The following CCDC3 variants were observed in gnomAD, a reference collection of about 807,000 sequenced individuals.
CCDC3 encodes coiled-coil domain-containing protein 3.
Under a neutral mutation model 21.4 loss-of-function variants are expected in CCDC3, and 24 were observed. That is an observed-to-expected ratio of 1.12 (90% CI 0.81 to 1.58). CCDC3 has a LOEUF of 1.58. CCDC3 is among the 40% of genes most tolerant of loss of function. CCDC3 has a pLI of 0.00. For missense variants in CCDC3, 425 were observed against 360.9 expected, an observed-to-expected ratio of 1.18 and a Z score of -1.44; for synonymous variants, 186 against 166.0, an observed-to-expected ratio of 1.12 and a Z score of -0.93.
At chr10:13,039,035 C>A (rs201373024) in intron 5 of CCDC3, among the ~76,000 whole-genome samples, 1 of 152,156 alleles carries the variant, frequency 6.6e-6, no homozygotes, top group Non-Finnish European at 1.5e-5. Context: ...CAAAATATCT[C>A]GGAGAGCTCA....
intron 2 of CCDC3, among the ~76,000 whole-genome samples, chr10:12,972,281 C>T (rs1440238819): frequency 6.6e-6 from 1 of 152,186 alleles, no homozygotes; most frequent in African/African-American, 2.4e-5. Context: ...TCCTCTTCCC[C>T]TCACCCCCAA....
At chr10:13,014,134 A>G (rs1275769102) in intron 5 of CCDC3, among the ~76,000 whole-genome samples, 19 of 129,516 alleles carry the variant, frequency 1.5e-4, no homozygotes, top group East Asian at 4.7e-4. Flanking sequence ...CTGGGTGACA[A>G]AGTGGGACTC....
intron 2 of CCDC3, among the ~76,000 whole-genome samples, chr10:12,908,688 G>T (rs897237121): frequency 6.7e-6 from 1 of 149,188 alleles, no homozygotes; most frequent in African/African-American, 2.5e-5. Flanking sequence ...CGGCTCCCAG[G>T]TTCAAGCAAT....
rs143458265 is a variant in CCDC3 at position 12,910,403 on chromosome 10, G to A, written c.550-11724C>T. On this transcript the variant is annotated intron_variant, in intron 2 of 2. Coordinates refer to ENST00000378825, the MANE Select transcript of CCDC3 (RefSeq NM_031455.4). The stretch of plus-strand genomic sequence containing the variant: ...TTGCTGCTACATATTGCCAGACTCA[G>A]TCCATAACCATATGTCCCCAAATAA... Among the ~76,000 whole-genome samples the A allele has an allele frequency of 1.1e-3, 163 of 152,204 alleles. 1 individual carries two copies. The highest frequency in any genetic ancestry group is 3.7e-3 in the African/African-American group (154 of 41,546).
At chr10:12,985,668 C>T (rs1835577198) in intron 2 of CCDC3, among the ~76,000 whole-genome samples, 1 of 152,122 alleles carries the variant, frequency 6.6e-6, no homozygotes, top group African/African-American at 2.4e-5. Context: ...TCTCCAAAGG[C>T]ACATATAGTA....
intron 2 of CCDC3, among the ~76,000 whole-genome samples, chr10:12,919,630 C>T (rs1396933343): frequency 6.6e-6 from 1 of 150,726 alleles, no homozygotes; most frequent in Non-Finnish European, 1.5e-5. Context: ...TTAAGAGTCA[C>T]ACTCTTTAAA....
chr10:12,898,090 GA>G lies in CCDC3; in HGVS notation c.*325del, dbSNP rs1245947084. The G allele has an allele frequency of 3.1e-6, 1 of 325,416 alleles. No homozygotes were observed. Among genetic ancestry groups the G allele is most frequent in the Non-Finnish European group, 5.7e-6 (1 of 176,990 alleles). The allele number at this position is 325,416 out of a possible 1,614,324, so 20.2% of individuals were successfully genotyped here. The stretch of plus-strand genomic sequence containing the variant: ...AAGCACGTTGATGTCTTTTACACTA[GA>G]GATTCTAAAATGTTCTCTCCCCAGT... On this transcript the variant is annotated 3_prime_UTR_variant, in exon 3 of 3. Coordinates refer to ENST00000378825, the MANE Select transcript of CCDC3 (RefSeq NM_031455.4).
At chr10:13,089,520 T>C (rs1300870976) in intron 3 of CCDC3, among the ~76,000 whole-genome samples, 1 of 152,060 alleles carries the variant, frequency 6.6e-6, no homozygotes, top group Non-Finnish European at 1.5e-5. Context: ...TTCCTGATAC[T>C]TTTCCTCACT....
chr10:12,922,803 C>A (rs967684226), intron 2 of CCDC3, among the ~76,000 whole-genome samples: 1 of 152,110 alleles, frequency 6.6e-6, no homozygotes, highest in East Asian at 1.9e-4. Flanking sequence ...CAGAAAATGC[C>A]CACTTAGATG....
At chr10:12,902,396 T>A (rs542034481) in intron 2 of CCDC3, among the ~76,000 whole-genome samples, 5 of 152,162 alleles carry the variant, frequency 3.3e-5, no homozygotes, top group African/African-American at 1.2e-4. Context: ...TGTGGATAGA[T>A]ATTAGCTATG....
intron 1 of CCDC3, 121 bp downstream of exon 1, chr10:13,001,076 G>A (rs1407950319): frequency 7.7e-7 from 1 of 1,294,848 alleles, no homozygotes; most frequent in Admixed American, 2.6e-5. Context: ...GGCGCCCCAG[G>A]GGCATTCTCA....
chr10:13,065,153 C>A (rs563461646), intron 4 of CCDC3, among the ~76,000 whole-genome samples: 3 of 150,734 alleles, frequency 2.0e-5, no homozygotes, highest in South Asian at 2.1e-4. Context: ...GAATACAGAT[C>A]TCTTTGTTAA....
chr10:12,941,594 A>G (rs918341623), intron 2 of CCDC3, among the ~76,000 whole-genome samples: 1 of 152,202 alleles, frequency 6.6e-6, no homozygotes, highest in Non-Finnish European at 1.5e-5. Flanking sequence ...CCAGACTCTC[A>G]GAGGAGTCTG....
intron 5 of CCDC3, among the ~76,000 whole-genome samples, chr10:13,041,909 G>A (rs1836462853): frequency 2.6e-5 from 4 of 152,074 alleles, no homozygotes; most frequent in Admixed American, 2.6e-4. Flanking sequence ...TTACAGGTGT[G>A]AGCCACCGTG....
At chr10:12,976,778 G>A (rs1286426368) in intron 2 of CCDC3, among the ~76,000 whole-genome samples, 1 of 152,088 alleles carries the variant, frequency 6.6e-6, no homozygotes, top group East Asian at 1.9e-4. Context: ...TACAGTGGTG[G>A]GTACCTGTCA....
At chr10:12,913,339 A>G (rs544498446) in intron 2 of CCDC3, among the ~76,000 whole-genome samples, 1 of 152,352 alleles carries the variant, frequency 6.6e-6, no homozygotes, top group African/African-American at 2.4e-5. Context: ...ATTATTTTGT[A>G]ACTATTGTAA....
chr10:13,015,896 G>GT (rs1836052313), intron 5 of CCDC3, among the ~76,000 whole-genome samples: 1 of 151,988 alleles, frequency 6.6e-6, no homozygotes, highest in Non-Finnish European at 1.5e-5. Flanking sequence ...AAAACAGGGT[G>GT]ACTGTAGTAA....
intron 5 of CCDC3, among the ~76,000 whole-genome samples, chr10:13,014,471 GA>G (rs58040998): frequency 2.9e-5 from 4 of 137,618 alleles, no homozygotes; most frequent in East Asian, 4.3e-4. Flanking sequence ...AAAAAAAAAA[GA>G]AAAAAAAAAG....
At position 13,057,895 on chromosome 10, in the gene CCDC3, A is replaced by T. The variant is rs1836703081; in HGVS notation, c.-269-7954T>A. The T allele has an allele frequency of 6.1e-6, 3 of 489,040 alleles. No individual in the cohort carries two copies. The Admixed American group carries it at 8.2e-5, about 13-fold the overall frequency. The allele number at this position is 489,040 out of a possible 1,614,324, so 30.3% of individuals were successfully genotyped here. On this transcript the variant is annotated intron_variant, in intron 4 of 6. Coordinates refer to the CCDC3 transcript ENST00000378839. ...GACTCTGTCTCAAAAAAAAGTTAAAACCTTCTTTCTTGGGCTTCTTTTCAT... is the reference window on the plus strand; with the variant it reads ...GACTCTGTCTCAAAAAAAAGTTAAATCCTTCTTTCTTGGGCTTCTTTTCAT...
Sources: allele counts gnomAD v4.1 joint callset (sites outside exome capture counted in the v4.1 genomes callset), GRCh38; gene constraint gnomAD v4.1.1; transcripts MANE v1.5; gene names NCBI Gene and HGNC (gene_info 2026-07-23, HGNC 2026-07-21).